The following UNC79 variants were observed in gnomAD, a reference collection of about 807,000 sequenced individuals.
The protein encoded by UNC79 is protein unc-79 homolog.
In UNC79, 37 loss-of-function variants were observed where a neutral mutation model predicts 283.1. The ratio of observed to expected loss-of-function variants is 0.13; its 90% CI spans 0.10 to 0.17. UNC79 has a LOEUF of 0.17. Ranked by LOEUF, UNC79 falls within the 10% of genes least tolerant of loss-of-function variation. The probability of loss-of-function intolerance (pLI) is 1.00; values close to 1 mark genes in which losing one functional copy is unlikely to be tolerated. For missense variants in UNC79, 2,272 were observed against 3,211.1 expected (o/e 0.71, Z 7.07); for synonymous variants, 1,107 against 1,200.2 (o/e 0.92, Z 1.61).
Position 93,478,938 on chromosome 14 carries a change from CAA to C in UNC79, c.619+1212_619+1213del, listed in dbSNP as rs2057956112. Among the ~76,000 whole-genome samples, 3 of 152,080 alleles carry C rather than the reference CAA, an allele frequency of 2.0e-5. 1 individual carries two copies. Among genetic ancestry groups the C allele is most frequent in the Admixed American group, 1.3e-4 (2 of 15,268 alleles). Reference sequence around the variant, plus strand: ...GAATTGTACTTTTCATGTCTTTCAGCAAAGAGTTTGACTTCTCCCTAAATTAT... The same window carrying C: ...GAATTGTACTTTTCATGTCTTTCAGCAGAGTTTGACTTCTCCCTAAATTAT... On this transcript the variant is annotated intron_variant, in intron 4 of 48. Coordinates refer to ENST00000555664, the Ensembl canonical transcript of UNC79.
At chr14:93,418,868 C>A (rs959711465) in intron 1 of UNC79, among the ~76,000 whole-genome samples, 2 of 151,832 alleles carry the variant, frequency 1.3e-5, no homozygotes, top group Non-Finnish European at 2.9e-5. Flanking sequence ...TTTTTAAGCC[C>A]GTTGGAAAAG....
At chr14:93,685,157 AT>A (rs2074141036) in intron 42 of UNC79, among the ~76,000 whole-genome samples, 1 of 152,200 alleles carries the variant, frequency 6.6e-6, no homozygotes, top group Non-Finnish European at 1.5e-5. Context: ...CCTTGCTCTC[AT>A]TTTTTGAGAT....
chr14:93,360,414 G>A (rs2054195343), intron 1 of UNC79, among the ~76,000 whole-genome samples: 1 of 152,238 alleles, frequency 6.6e-6, no homozygotes, highest in South Asian at 2.1e-4. Flanking sequence ...ATGGATCTTG[G>A]AGAATGACCG....
intron 1 of UNC79, among the ~76,000 whole-genome samples, chr14:93,369,247 T>C (rs2054396072): frequency 8.5e-5 from 13 of 152,238 alleles, no homozygotes; most frequent in Admixed American, 8.5e-4. Flanking sequence ...TTCGACTTGA[T>C]TCCCCTTCTA....
At chr14:93,689,978 C>T in intron 44 of UNC79, 139 bp from the exon 48 acceptor site, 1 of 842,222 alleles carries the variant, frequency 1.2e-6, no homozygotes, top group East Asian at 2.5e-5. Flanking sequence ...TTTGTTGACA[C>T]TCAATTGCCT....
chr14:93,627,955 C>G (rs2067695716), intron 30 of UNC79, among the ~76,000 whole-genome samples: 1 of 152,208 alleles, frequency 6.6e-6, no homozygotes, highest in Non-Finnish European at 1.5e-5. Context: ...ACTGACATCT[C>G]TGACCTAGAT....
At chr14:93,523,765 T>A (rs916738403) in intron 7 of UNC79, among the ~76,000 whole-genome samples, 3 of 152,226 alleles carry the variant, frequency 2.0e-5, no homozygotes, top group African/African-American at 7.2e-5. Flanking sequence ...ACATGCCATC[T>A]TATATTGGCT....
chr14:93,676,557 C>G (rs1465740411), intron 41 of UNC79, among the ~76,000 whole-genome samples: 2 of 152,206 alleles, frequency 1.3e-5, no homozygotes, highest in East Asian at 3.9e-4. Context: ...ACTGAAGGTG[C>G]TTTCCTGCGG....
At chr14:93,588,357 CT>C (rs1271988059) in intron 22 of UNC79, among the ~76,000 whole-genome samples, 3 of 152,062 alleles carry the variant, frequency 2.0e-5, no homozygotes, top group African/African-American at 4.8e-5. Flanking sequence ...CAATGCAGAA[CT>C]TTTTTCTGAA....
At chr14:93,356,445 ATC>A (rs2054088203) in intron 1 of UNC79, among the ~76,000 whole-genome samples, 1 of 152,130 alleles carries the variant, frequency 6.6e-6, no homozygotes, top group Non-Finnish European at 1.5e-5. Flanking sequence ...CTGGGCTCCA[ATC>A]TCTGTTTCCT....
chr14:93,627,721 G>A (rs1164887850), intron 30 of UNC79, among the ~76,000 whole-genome samples: 1 of 152,186 alleles, frequency 6.6e-6, no homozygotes, highest in African/African-American at 2.4e-5. Flanking sequence ...AAGTCACATG[G>A]TGAAAGGCAT....
chr14:93,631,922 A>G (rs1423049289), intron 31 of UNC79, among the ~76,000 whole-genome samples: 3 of 152,232 alleles, frequency 2.0e-5, no homozygotes, highest in Non-Finnish European at 4.4e-5. Context: ...TATAGCTACT[A>G]TCTATTTAAC....
intron 1 of UNC79, among the ~76,000 whole-genome samples, chr14:93,351,185 G>A (rs908078118): frequency 1.3e-5 from 2 of 152,066 alleles, no homozygotes; most frequent in Non-Finnish European, 2.9e-5. Flanking sequence ...TTAAAAAAAT[G>A]AAGATTTTAC....
At chr14:93,337,379 G>A (rs958812814) in intron 1 of UNC79, among the ~76,000 whole-genome samples, 5 of 152,224 alleles carry the variant, frequency 3.3e-5, no homozygotes, top group Admixed American at 1.3e-4. Flanking sequence ...ACAAGAACTC[G>A]GGAACCTTCG....
At position 93,589,262 on chromosome 14, in the gene UNC79, G is replaced by T. The variant is rs900537862; in HGVS notation, c.3032+2354G>T. 2.0e-5 allele frequency among the ~76,000 whole-genome samples: 3 copies of T among 152,262 alleles called. No homozygotes were observed. In the East Asian group the frequency reaches 5.8e-4, roughly 29 times the overall value. ...TGGGCAAAGGGTTTACTGGGGACCG[G>T]GGACTGGTGATATGGTTATGATGGA... On this transcript the variant is annotated intron_variant, in intron 22 of 48. Coordinates refer to ENST00000555664, the Ensembl canonical transcript of UNC79.
At chr14:93,603,114 G>C in intron 25 of UNC79, 125 bp from the exon 26 acceptor site, 5 of 1,119,330 alleles carry the variant, frequency 4.5e-6, no homozygotes, top group East Asian at 2.4e-5. Flanking sequence ...CATAGAGGGA[G>C]ATGTATATCC....
At chr14:93,553,814 A>G (rs2062018503) in intron 14 of UNC79, among the ~76,000 whole-genome samples, 1 of 152,210 alleles carries the variant, frequency 6.6e-6, no homozygotes, top group Non-Finnish European at 1.5e-5. Flanking sequence ...TAAGCTGCAT[A>G]TGTCTCTTTT....
At chr14:93,655,120 C>G (rs2070779281) in intron 37 of UNC79, 114 bp from the exon 41 acceptor site, 1 of 1,161,672 alleles carries the variant, frequency 8.6e-7, no homozygotes, top group Admixed American at 2.4e-5. Context: ...ATGTAGTAGG[C>G]ACTGAACACG....
chr14:93,576,180 C>G (rs1400107028), intron 17 of UNC79, among the ~76,000 whole-genome samples: 2 of 152,148 alleles, frequency 1.3e-5, no homozygotes, highest in African/African-American at 2.4e-5. Flanking sequence ...TTACAACTAC[C>G]TAACCTGATG....
Sources: allele counts gnomAD v4.1 joint callset (sites outside exome capture counted in the v4.1 genomes callset), GRCh38; gene constraint gnomAD v4.1.1; transcripts MANE v1.5; gene names NCBI Gene and HGNC (gene_info 2026-07-23, HGNC 2026-07-21).